Variants in AMPD3 observed in about 807,000 individuals in gnomAD.
AMPD3 encodes the protein adenosine monophosphate deaminase 3, also known as AMP deaminase 3.
In AMPD3, 57 loss-of-function variants were observed where a neutral mutation model predicts 82.3. The ratio of observed to expected loss-of-function variants is 0.69; its 90% CI spans 0.56 to 0.86. The LOEUF is 0.86. Among genes scored for constraint, AMPD3 ranks in the 40% least tolerant of loss-of-function variants. The probability of loss-of-function intolerance (pLI) is 0.00; values close to 1 mark genes in which losing one functional copy is unlikely to be tolerated. For synonymous variants in AMPD3, 381 were observed against 394.7 expected (o/e 0.97, Z 0.41); for missense variants, 870 against 1,003.8 (o/e 0.87, Z 1.80).
At chr11:10,493,247 C>T (rs1333014717) in intron 6 of AMPD3, 102 bp from the exon 7 acceptor site, 1 of 1,377,924 alleles carries the variant, frequency 7.3e-7, no homozygotes, top group Non-Finnish European at 1.0e-6. Flanking sequence ...CCGGATGGCC[C>T]ATGAGGTGCT....
intron 2 of AMPD3, among the ~76,000 whole-genome samples, chr11:10,467,721 G>A (rs763280594): frequency 1.3e-5 from 2 of 152,110 alleles, no homozygotes; most frequent in Non-Finnish European, 2.9e-5. Flanking sequence ...ATCGTCAGAT[G>A]CCCCAAGGTT....
intron 1 of AMPD3, among the ~76,000 whole-genome samples, chr11:10,457,932 T>C (rs1434790006): frequency 6.9e-6 from 1 of 145,144 alleles, no homozygotes; most frequent in African/African-American, 2.6e-5. Flanking sequence ...TGAGCAAACA[T>C]GGCAGGATCT....
chr11:10,484,579 C>A, intron 4 of AMPD3: 1 of 877,510 alleles, frequency 1.1e-6, no homozygotes, highest in Non-Finnish European at 1.4e-6. Flanking sequence ...AAAGTCTCTG[C>A]CTGCATGGAG....
chr11:10,459,216 G>A (rs2403330), intron 1 of AMPD3, among the ~76,000 whole-genome samples: 22,044 of 152,022 alleles, frequency 0.15, 1,755 homozygotes, highest in African/African-American at 0.19. Flanking sequence ...CTCTCATCAG[G>A]GAGTGGCAGG....
At chr11:10,451,020 G>T, upstream of AMPD3, 1 of 1,581,430 alleles carries the variant, frequency 6.3e-7, no homozygotes, top group Non-Finnish European at 8.5e-7. Context: ...TCGGCCGGCG[G>T]CATGGCCCTG....
chr11:10,477,403 G>C (rs967085350), intron 2 of AMPD3, among the ~76,000 whole-genome samples: 1 of 152,196 alleles, frequency 6.6e-6, no homozygotes, highest in Admixed American at 6.5e-5. Flanking sequence ...TCCACTGGGG[G>C]CAGACAGAAA....
Position 10,496,948 on chromosome 11 carries a change from G to C in AMPD3, c.1557+10G>C, listed in dbSNP as rs1291908648. ...CCTCTTCCTTAAATATGTAAGTGTG[G>C]GTGGTGCCCTAGGCAGGGCTCATAG... is the stretch of plus-strand genomic sequence containing the variant. On this transcript the variant is annotated intron_variant, in intron 10 of 14. Transcript: ENST00000396553. 6.2e-7 allele frequency: 1 copy of C among 1,613,944 alleles called. No homozygotes were observed. Among genetic ancestry groups the C allele is most frequent in the Non-Finnish European group, 8.5e-7 (1 of 1,179,882 alleles).
intron 11 of AMPD3, 41 bp from the exon 12 acceptor site, chr11:10,501,429 T>A: frequency 6.2e-7 from 1 of 1,607,702 alleles, no homozygotes; most frequent in Non-Finnish European, 8.5e-7. Context: ...CAGAGCCAAC[T>A]GGGGGGGGCC....
At chr11:10,475,392 G>A (rs1848710009) in intron 2 of AMPD3, among the ~76,000 whole-genome samples, 1 of 152,132 alleles carries the variant, frequency 6.6e-6, no homozygotes, top group Non-Finnish European at 1.5e-5. Context: ...GATTTGGGCA[G>A]AGACATGGAT....
chr11:10,468,854 A>C (rs1848498878), intron 2 of AMPD3, among the ~76,000 whole-genome samples: 2 of 152,234 alleles, frequency 1.3e-5, no homozygotes, highest in Admixed American at 1.3e-4. Context: ...AAAACCACAC[A>C]ACTACATGGA....
chr11:10,504,632 C>G lies in AMPD3; in HGVS notation c.2100C>G (p.Ser700Arg). ...ACCTGTGTGAGATCGCCAGGAACAG[C>G]GTGCTGCAGAGCGGCCTCTCGCATC... is the stretch of plus-strand genomic sequence containing the variant. ...TCDLCEIARN[S>R]VLQSGLSHQE... Residue 700 changes from serine (S) to arginine (R), a missense_variant, in exon 14 of 15, where the codon AGC becomes AGG. Transcript: ENST00000396553. 1 of 1,614,162 alleles carries G rather than the reference C, an allele frequency of 6.2e-7. No homozygotes were observed. The highest frequency in any genetic ancestry group is 2.2e-5 in the East Asian group (1 of 44,878).
upstream of AMPD3, chr11:10,450,914 TGGCCG>T: frequency 8.0e-7 from 1 of 1,250,236 alleles, no homozygotes; most frequent in Non-Finnish European, 1.0e-6. Flanking sequence ...GGGCGCGGCC[TGGCCG>T]GGCCCTGGCC....
intron 1 of AMPD3, chr11:10,460,796 C>A: frequency 2.7e-6 from 2 of 727,654 alleles, no homozygotes; most frequent in Non-Finnish European, 3.4e-6. Flanking sequence ...AGAATGAAAC[C>A]CAACCAACCA....
At chr11:10,452,666 C>G (rs1591431796), upstream of AMPD3, among the ~76,000 whole-genome samples, 1 of 152,306 alleles carries the variant, frequency 6.6e-6, no homozygotes, top group South Asian at 2.1e-4. Context: ...GATAAAACTT[C>G]ATGTTCATTT....
intron 9 of AMPD3, chr11:10,496,213 C>T (rs1849395391): frequency 1.0e-6 from 1 of 985,270 alleles, no homozygotes; most frequent in African/African-American, 1.7e-5. Flanking sequence ...CTGCATCCAG[C>T]TGACACTAGA....
rs541933449 is a variant in AMPD3, at chr11:10,482,270, C to A, written c.589+45C>A. On this transcript the variant is annotated intron_variant, in intron 4 of 14. Coordinates refer to ENST00000396553, the MANE Select transcript of AMPD3 (RefSeq NM_001025389.2). ...GGTTGGGTCCCAAGTGTGGGCAGAC[C>A]GAGAGCTAGTCAGGGCTTTTTTCTG... The A allele has an allele frequency of 1.9e-6, 3 of 1,601,360 alleles. No individual in the cohort carries two copies. In the South Asian group the frequency reaches 3.3e-5, roughly 18 times the overall value.
intron 10 of AMPD3, among the ~76,000 whole-genome samples, chr11:10,497,936 C>T (rs757930182): frequency 5.9e-5 from 9 of 152,168 alleles, no homozygotes; most frequent in African/African-American, 9.7e-5. Flanking sequence ...GTGTTGGACA[C>T]GGTGTTGAGT....
At position 10,456,047 on chromosome 11, in the gene AMPD3, C is replaced by G. The variant is rs370121309; in HGVS notation, c.-6+599C>G. 1 of 1,059,230 alleles carries G rather than the reference C, an allele frequency of 9.4e-7. No individual in the cohort carries two copies. The allele number at this position is 1,059,230 out of a possible 1,614,324, so 65.6% of individuals were successfully genotyped here. A position where few individuals can be genotyped will look rare whatever the true frequency, so the allele number is the denominator to read the frequency against. ...GAGTTTACTGTTGTAAAGAGGAAGC[C>G]GCCGCTTTAGTTTCCTCTTGTGAGG... On this transcript the variant is annotated intron_variant, in intron 1 of 14. Transcript: ENST00000396553. This position sits in a 1 kb window ranked among gnomAD's most constrained non-coding sequence, Gnocchi z 4.3.
At chr11:10,479,578 A>G (rs972603846) in intron 3 of AMPD3, among the ~76,000 whole-genome samples, 2 of 152,262 alleles carry the variant, frequency 1.3e-5, no homozygotes, top group African/African-American at 4.8e-5. Flanking sequence ...AATGGTATCA[A>G]TTATTCAGCC....
Sources: allele counts gnomAD v4.1 joint callset (sites outside exome capture counted in the v4.1 genomes callset), GRCh38; gene constraint gnomAD v4.1.1; non-coding constraint Gnocchi (gnomAD v3.1); transcripts MANE v1.5; gene names NCBI Gene and HGNC (gene_info 2026-07-23, HGNC 2026-07-21).